Variants in NCAM2 observed in about 807,000 individuals in gnomAD.
NCAM2 encodes N-CAM-2.
NCAM2 carries 30 observed loss-of-function variants against 98.1 expected under a neutral mutation model. The ratio of observed to expected loss-of-function variants is 0.31; its 90% CI spans 0.23 to 0.41. NCAM2 has a LOEUF of 0.41. Among genes scored for constraint, NCAM2 ranks in the 10% least tolerant of loss-of-function variants. The probability of loss-of-function intolerance (pLI) is 1.00; values close to 1 mark genes in which losing one functional copy is unlikely to be tolerated. For synonymous variants in NCAM2, 368 were observed against 342.4 expected (o/e 1.07, Z -0.83); for missense variants, 867 against 1,005.8 (o/e 0.86, Z 1.87).
intron 8 of NCAM2, among the ~76,000 whole-genome samples, chr21:21,359,809 CTAAA>C: frequency 1.3e-5 from 2 of 151,884 alleles, no homozygotes; most frequent in Middle Eastern, 7.1e-3. Context: ...ATAAAGAAGT[CTAAA>C]TATATCAGTG....
intron 1 of NCAM2, among the ~76,000 whole-genome samples, chr21:21,043,716 G>A (rs563646190): frequency 4.0e-5 from 6 of 151,738 alleles, no homozygotes; most frequent in African/African-American, 1.2e-4. Context: ...TTAGCTGGGC[G>A]TGGTGGCGGG....
intron 2 of NCAM2, among the ~76,000 whole-genome samples, chr21:21,283,739 CATTTTCAGAG>C (rs1320482671): frequency 2.6e-5 from 4 of 151,844 alleles, no homozygotes. Flanking sequence ...GTAAGCTCGA[CATTTTCAGAG>C]ATTTAAGTGC....
intron 16 of NCAM2, among the ~76,000 whole-genome samples, chr21:21,519,009 A>G (rs1988865926): frequency 6.6e-6 from 1 of 152,130 alleles, no homozygotes; most frequent in African/African-American, 2.4e-5. Flanking sequence ...TACAACAATC[A>G]AGGGACAGAA....
intron 9 of NCAM2, among the ~76,000 whole-genome samples, chr21:21,390,920 G>A (rs1029899275): frequency 6.6e-6 from 1 of 152,146 alleles, no homozygotes; most frequent in East Asian, 1.9e-4. Context: ...TCTCTAAGTG[G>A]TTTCCAACTT....
chr21:21,393,419 C>T (rs986837831), intron 9 of NCAM2, among the ~76,000 whole-genome samples: 15 of 152,134 alleles, frequency 9.9e-5, no homozygotes, highest in Admixed American at 3.3e-4. Context: ...AATACTAGGG[C>T]GATCAATGCT....
chr21:21,274,182 A>ATT (rs199905456), intron 1 of NCAM2, among the ~76,000 whole-genome samples: 2 of 149,506 alleles, frequency 1.3e-5, no homozygotes, highest in South Asian at 2.1e-4. Context: ...AAAAAAAAAA[A>ATT]TTTTAATCAC....
At chr21:21,187,174 A>G (rs2068667608) in intron 1 of NCAM2, among the ~76,000 whole-genome samples, 1 of 152,088 alleles carries the variant, frequency 6.6e-6, no homozygotes, top group Admixed American at 6.6e-5. Context: ...CAGTGAGCCA[A>G]GATAGCGTCA....
chr21:21,398,714 A>G (rs553704237), intron 9 of NCAM2, among the ~76,000 whole-genome samples: 19 of 152,286 alleles, frequency 1.2e-4, no homozygotes, highest in African/African-American at 4.6e-4. Context: ...TCTAAAACTG[A>G]CCAGGTAGTG....
At chr21:21,336,575 A>G (rs2074877241) in intron 7 of NCAM2, among the ~76,000 whole-genome samples, 1 of 152,016 alleles carries the variant, frequency 6.6e-6, no homozygotes, top group African/African-American at 2.4e-5. Flanking sequence ...AAAAAAAAGA[A>G]GGACCAGTGT....
intron 8 of NCAM2, among the ~76,000 whole-genome samples, chr21:21,370,296 C>T (rs953515137): frequency 2.0e-5 from 3 of 151,776 alleles, no homozygotes; most frequent in African/African-American, 7.3e-5. Context: ...CTTTCTTACC[C>T]ATTTTTCTTT....
intron 1 of NCAM2, among the ~76,000 whole-genome samples, chr21:21,150,887 A>G (rs1465447746): frequency 1.3e-5 from 2 of 152,078 alleles, no homozygotes; most frequent in South Asian, 2.1e-4. Context: ...AAAAGTTTAT[A>G]GAAGCTGGAT....
intron 7 of NCAM2, among the ~76,000 whole-genome samples, chr21:21,337,860 A>G (rs930488261): frequency 2.6e-5 from 4 of 152,020 alleles, no homozygotes; most frequent in Non-Finnish European, 5.9e-5. Context: ...ATGTTTCAAA[A>G]TTTTATATGA....
At chr21:21,468,200 TA>T (rs1265403609) in intron 13 of NCAM2, among the ~76,000 whole-genome samples, 2 of 152,026 alleles carry the variant, frequency 1.3e-5, no homozygotes, top group East Asian at 3.9e-4. Flanking sequence ...AAATGCTTAT[TA>T]AAGCACATTT....
At chr21:21,343,358 T>TACACACACACACACACACACACACACAC (rs71195322) in intron 8 of NCAM2, among the ~76,000 whole-genome samples, 1 of 120,800 alleles carries the variant, frequency 8.3e-6, no homozygotes, top group African/African-American at 3.0e-5. Flanking sequence ...TCTATACACA[T>TACACACACACACACACACACACACACAC]ACACACACAC....
chr21:21,360,079 A>C (rs2075604399), intron 8 of NCAM2, among the ~76,000 whole-genome samples: 1 of 151,982 alleles, frequency 6.6e-6, no homozygotes, highest in Non-Finnish European at 1.5e-5. Context: ...GCAGCAAAAG[A>C]ATACATTTGA....
intron 8 of NCAM2, among the ~76,000 whole-genome samples, chr21:21,352,365 A>G (rs1602073837): frequency 6.6e-6 from 1 of 152,002 alleles, no homozygotes. Flanking sequence ...CAAGCAGTCC[A>G]CCTGCCTCAG....
At chr21:21,393,560 T>C (rs2076428823) in intron 9 of NCAM2, among the ~76,000 whole-genome samples, 1 of 152,172 alleles carries the variant, frequency 6.6e-6, no homozygotes, top group African/African-American at 2.4e-5. Context: ...AGATAATATC[T>C]TAATAAACCA....
At position 21,286,480 on chromosome 21, in the gene NCAM2, T is replaced by G. The variant is rs2073106185; in HGVS notation, c.481+68T>G. 9 of 1,493,982 alleles carry G rather than the reference T, an allele frequency of 6.0e-6. 1 individual carries two copies. The highest frequency in any genetic ancestry group is 8.2e-6 in the Non-Finnish European group (9 of 1,101,076). 92.5% of individuals were successfully genotyped at this position (1,493,982 alleles called of 1,614,324 possible). ...ATTGCAGTTTTTAAAAATCTGAATCTATGTGTCTAGTTGTAGAAATTTGAA... is the reference window on the plus strand; with the variant it reads ...ATTGCAGTTTTTAAAAATCTGAATCGATGTGTCTAGTTGTAGAAATTTGAA... On this transcript the variant is annotated intron_variant, in intron 4 of 17. Transcript: ENST00000400546.
At chr21:21,116,790 G>C (rs1007222116) in intron 1 of NCAM2, among the ~76,000 whole-genome samples, 3 of 151,996 alleles carry the variant, frequency 2.0e-5, no homozygotes, top group Non-Finnish European at 2.9e-5. Flanking sequence ...AGGAGGCGGA[G>C]CTTGCAGTGA....
Sources: allele counts gnomAD v4.1 joint callset (sites outside exome capture counted in the v4.1 genomes callset), GRCh38; gene constraint gnomAD v4.1.1; transcripts MANE v1.5; gene names NCBI Gene and HGNC (gene_info 2026-07-23, HGNC 2026-07-21).